The following DPRX variants were observed in gnomAD, a reference collection of about 807,000 sequenced individuals.
DPRX encodes the protein divergent-paired related homeobox, also known as divergent paired-related homeobox.
In DPRX, 11 loss-of-function variants were observed where a neutral mutation model predicts 8.4. The observed-to-expected ratio is 1.31, with a 90% confidence interval of 0.82 to 2.17. The LOEUF is 2.17. DPRX is among the 30% of genes most tolerant of loss of function. The pLI, the probability that DPRX is intolerant of heterozygous loss-of-function variation, is 0.00. For synonymous variants in DPRX, 72 were observed against 87.0 expected (o/e 0.83, Z 0.96); for missense variants, 211 against 236.7 (o/e 0.89, Z 0.71).
chr19:53,636,668 C>G, exon 3 of DPRX: 1 of 1,614,066 alleles, frequency 6.2e-7, no homozygotes. Flanking sequence ...ACAAGAAACT[C>G]CACAACCGCC....
At chr19:53,636,332 C>T (rs569840476) in intron 2 of DPRX, among the ~76,000 whole-genome samples, 2 of 151,316 alleles carry the variant, frequency 1.3e-5, no homozygotes, top group African/African-American at 4.8e-5. Flanking sequence ...TGCCACTGAA[C>T]TCCAGCCTGG....
At chr19:53,634,458 A>T in intron 1 of DPRX, 73 bp from the exon 2 acceptor site, 1 of 1,536,568 alleles carries the variant, frequency 6.5e-7, no homozygotes, top group Non-Finnish European at 8.8e-7. Flanking sequence ...AGTGGAAAGG[A>T]AAGGAAAGCT....
chr19:53,602,267 G>GGTGGGT, the DPRX span: 8 of 269,636 alleles, frequency 3.0e-5, no homozygotes, highest in African/African-American at 8.2e-5. Flanking sequence ...TATGGGTATG[G>GGTGGGT]GTGTGTGTGT....
chr19:53,631,431 G>T (rs1374445579), upstream of DPRX, among the ~76,000 whole-genome samples: 1 of 152,062 alleles, frequency 6.6e-6, no homozygotes, highest in Non-Finnish European at 1.5e-5. Context: ...TTTAAACCTG[G>T]ACTTCATTAT....
chr19:53,623,966 AAATAAATAAAT>A, the DPRX span, among the ~76,000 whole-genome samples: 1 of 111,754 alleles, frequency 8.9e-6, no homozygotes. Context: ...ATAAATAAAT[AAATAAATAAAT>A]AATAACCATT....
chr19:53,634,627 A>C, exon 2 of DPRX: 2 of 1,613,926 alleles, frequency 1.2e-6, no homozygotes, highest in Non-Finnish European at 1.7e-6. Flanking sequence ...CCATACCCAA[A>C]CCCCAGCCTT....
At chr19:53,603,144 C>T in the DPRX span, among the ~76,000 whole-genome samples, 1 of 150,932 alleles carries the variant, frequency 6.6e-6, no homozygotes, top group African/African-American at 2.4e-5. Context: ...CTCGACTGCC[C>T]AGGCTCAAGC....
At chr19:53,618,749 C>T in the DPRX span, among the ~76,000 whole-genome samples, 1 of 148,580 alleles carries the variant, frequency 6.7e-6, no homozygotes, top group Non-Finnish European at 1.5e-5. Context: ...GTGGCACTAT[C>T]TTGGCTCACT....
At chr19:53,613,651 C>T in the DPRX span, among the ~76,000 whole-genome samples, 500 of 151,822 alleles carry the variant, frequency 3.3e-3, 3 homozygotes, top group African/African-American at 0.011. Flanking sequence ...TGAGCCACCG[C>T]GCCTGGCCTC....
exon 1 of DPRX, chr19:53,632,086 G>A (rs780823405): frequency 6.2e-7 from 1 of 1,613,930 alleles, no homozygotes; most frequent in Non-Finnish European, 8.5e-7. Context: ...CCTGAACCCA[G>A]GCGCACATCT....
the DPRX span, chr19:53,601,285 C>T: frequency 8.8e-6 from 4 of 456,466 alleles, no homozygotes; most frequent in South Asian, 6.2e-5. Context: ...CCAGACTCCA[C>T]ATTGGGCCCA....
chr19:53,626,001 A>G, the DPRX span, among the ~76,000 whole-genome samples: 2 of 151,930 alleles, frequency 1.3e-5, no homozygotes, highest in Non-Finnish European at 2.9e-5. Context: ...CAGGGGCATA[A>G]TCTCGGCTCA....
upstream of DPRX, among the ~76,000 whole-genome samples, chr19:53,631,290 C>CTAAATAAA (rs888529109): frequency 1.9e-4 from 29 of 151,324 alleles, no homozygotes; most frequent in African/African-American, 6.3e-4. Context: ...GACTCCATCT[C>CTAAATAAA]TAAATAAATA....
chr19:53,616,738 G>C, the DPRX span: 2 of 1,342,174 alleles, frequency 1.5e-6, no homozygotes, highest in Middle Eastern at 2.2e-4. Flanking sequence ...TGGGCAACAA[G>C]AGCGAAACTC....
chr19:53,615,283 A>T, the DPRX span, among the ~76,000 whole-genome samples: 1 of 145,616 alleles, frequency 6.9e-6, no homozygotes, highest in South Asian at 2.2e-4. Context: ...GATCTGTCTA[A>T]TTTTTTTTTT....
At chr19:53,616,583 C>T in the DPRX span, among the ~76,000 whole-genome samples, 4,842 of 152,166 alleles carry the variant, frequency 0.032, 102 homozygotes, top group Non-Finnish European at 0.048. Flanking sequence ...GGCAAAACCC[C>T]ATCTCTGCTA....
At chr19:53,635,505 C>T (rs1373244980) in intron 2 of DPRX, among the ~76,000 whole-genome samples, 2 of 151,966 alleles carry the variant, frequency 1.3e-5, no homozygotes, top group Non-Finnish European at 2.9e-5. Context: ...TACAGCCTCC[C>T]GAGCAGCTGA....
At chr19:53,613,623 G>T in the DPRX span, among the ~76,000 whole-genome samples, 1 of 151,352 alleles carries the variant, frequency 6.6e-6, no homozygotes, top group Non-Finnish European at 1.5e-5. Context: ...GCCTCCCAAA[G>T]TGCTGGGACT....
intron 2 of DPRX, among the ~76,000 whole-genome samples, 153 bp from the exon 3 acceptor site, chr19:53,636,443 A>AAG (rs1024673475): frequency 4.5e-5 from 3 of 66,624 alleles, no homozygotes; most frequent in African/African-American, 1.7e-4. Context: ...AAAGGAAAAA[A>AAG]AAAGAAAAGT....
Sources: allele counts gnomAD v4.1 joint callset (sites outside exome capture counted in the v4.1 genomes callset), GRCh38; gene constraint gnomAD v4.1.1; transcripts MANE v1.5; gene names NCBI Gene and HGNC (gene_info 2026-07-23, HGNC 2026-07-21).